Variants in LINGO2 observed in about 807,000 individuals in gnomAD.
The protein encoded by LINGO2 is leucine rich repeat and Ig domain containing 2.
A neutral mutation model predicts 30.6 loss-of-function variants in LINGO2; 14 were observed. The observed-to-expected ratio is 0.46, with a 90% CI of 0.30 to 0.72. The LOEUF (loss-of-function observed/expected upper bound fraction) is 0.72. LINGO2 is among the 30% of genes least tolerant of loss of function. The pLI is 0.07. For synonymous variants in LINGO2, 317 were observed against 288.5 expected, an observed-to-expected ratio of 1.10 and a Z score of -1.00; for missense variants, 729 against 751.7, an observed-to-expected ratio of 0.97 and a Z score of 0.35.
chr9:28,128,832 G>A (rs1325968664), intron 4 of LINGO2, among the ~76,000 whole-genome samples: 1 of 150,332 alleles, frequency 6.7e-6, no homozygotes, highest in Non-Finnish European at 1.5e-5. Context: ...TATTGTTTCT[G>A]ACTGTGTATG....
chr9:28,968,178 C>A, the LINGO2 span, among the ~76,000 whole-genome samples: 2 of 152,068 alleles, frequency 1.3e-5, no homozygotes, highest in African/African-American at 4.8e-5. Context: ...TCACAGACAT[C>A]GGTACAAAAT....
intron 1 of LINGO2, among the ~76,000 whole-genome samples, chr9:28,648,650 C>T (rs556889286): frequency 1.3e-5 from 2 of 152,094 alleles, no homozygotes; most frequent in East Asian, 1.9e-4. Context: ...AAAGCAAAAA[C>T]AATTGTCCTC....
At chr9:28,413,383 C>G (rs1057427651) in intron 2 of LINGO2, among the ~76,000 whole-genome samples, 16 of 152,082 alleles carry the variant, frequency 1.1e-4, no homozygotes, top group Admixed American at 9.2e-4. Context: ...ATATTGTATG[C>G]TACCTGTTCC....
At chr9:28,854,829 T>C in the LINGO2 span, among the ~76,000 whole-genome samples, 1 of 152,076 alleles carries the variant, frequency 6.6e-6, no homozygotes, top group South Asian at 2.1e-4. Context: ...AATTCAGCCT[T>C]ATGTTCTTTG....
intron 4 of LINGO2, among the ~76,000 whole-genome samples, chr9:28,052,944 T>TAAG (rs1159897199): frequency 6.7e-6 from 1 of 150,206 alleles, no homozygotes. Context: ...CAAATACATT[T>TAAG]AAGACATTGA....
At chr9:27,989,373 T>A (rs983473988) in intron 5 of LINGO2, among the ~76,000 whole-genome samples, 2 of 151,934 alleles carry the variant, frequency 1.3e-5, no homozygotes, top group African/African-American at 4.8e-5. Flanking sequence ...ATCCTACCTA[T>A]TGCTTCATCT....
the LINGO2 span, among the ~76,000 whole-genome samples, chr9:29,087,122 C>T: frequency 6.6e-6 from 1 of 152,102 alleles, no homozygotes; most frequent in Non-Finnish European, 1.5e-5. Context: ...GGTGATCCAC[C>T]GGCCCTGGCC....
the LINGO2 span, among the ~76,000 whole-genome samples, chr9:28,700,402 A>G: frequency 2.0e-5 from 3 of 151,996 alleles, no homozygotes; most frequent in Non-Finnish European, 4.4e-5. Context: ...ATAATGTATT[A>G]TTTCAAATTT....
the LINGO2 span, among the ~76,000 whole-genome samples, chr9:28,852,814 T>C: frequency 6.6e-6 from 1 of 152,044 alleles, no homozygotes; most frequent in Admixed American, 6.6e-5. Context: ...TGCCTAACTT[T>C]TCCTATAAAA....
chr9:29,132,680 T>G, the LINGO2 span, among the ~76,000 whole-genome samples: 82 of 152,298 alleles, frequency 5.4e-4, no homozygotes, highest in Admixed American at 5.2e-3. Context: ...TTGCTTTGTT[T>G]GTGCATTTTG....
intron 1 of LINGO2, among the ~76,000 whole-genome samples, chr9:28,548,514 G>A (rs1052412297): frequency 6.6e-6 from 1 of 151,744 alleles, no homozygotes; most frequent in Non-Finnish European, 1.5e-5. Flanking sequence ...GGCCATCCTG[G>A]CCAACATGGT....
chr9:28,110,487 AT>A (rs1307404219), intron 4 of LINGO2, among the ~76,000 whole-genome samples: 1 of 152,214 alleles, frequency 6.6e-6, no homozygotes, highest in Non-Finnish European at 1.5e-5. Flanking sequence ...AAGTTTTGCA[AT>A]CTACCCATCT....
At chr9:28,573,191 T>A (rs182387771) in intron 1 of LINGO2, among the ~76,000 whole-genome samples, 42 of 152,274 alleles carry the variant, frequency 2.8e-4, no homozygotes, top group African/African-American at 9.1e-4. Context: ...AATCTGAACT[T>A]TATGTCAGTC....
intron 2 of LINGO2, among the ~76,000 whole-genome samples, chr9:28,437,015 T>C (rs1823975604): frequency 6.6e-6 from 1 of 152,112 alleles, no homozygotes; most frequent in African/African-American, 2.4e-5. Flanking sequence ...CTCAATGTGA[T>C]GGTTACTTAT....
In LINGO2 at chr9:28,259,360, C is replaced by T. The variant is rs112462345; in HGVS notation, c.-87+35848G>A. Among the ~76,000 whole-genome samples the T allele has an allele frequency of 7.1e-3, 1,075 of 151,974 alleles. 16 individuals are homozygous for T. The highest frequency in any genetic ancestry group is 0.025 in the African/African-American group (1,036 of 41,512). ...AAACCTAATGTTTTTTTCTTCTTCTCTTTCTAGGAGGTACTGGAAGAAGGG... is the reference window on the plus strand; with the variant it reads ...AAACCTAATGTTTTTTTCTTCTTCTTTTTCTAGGAGGTACTGGAAGAAGGG... On this transcript the variant is annotated intron_variant, in intron 4 of 5. Coordinates refer to ENST00000379992, the Ensembl canonical transcript of LINGO2.
At chr9:28,359,441 C>G (rs1167098609) in intron 3 of LINGO2, among the ~76,000 whole-genome samples, 1 of 152,032 alleles carries the variant, frequency 6.6e-6, no homozygotes, top group Non-Finnish European at 1.5e-5. Context: ...ATACCATTTC[C>G]TGTCCCCACA....
exon 6 of LINGO2, chr9:27,949,940 A>G: frequency 6.2e-7 from 1 of 1,614,118 alleles, no homozygotes; most frequent in Non-Finnish European, 8.5e-7. Context: ...CGTAGAGGCT[A>G]TTGGCAGGCA....
intron 2 of LINGO2, among the ~76,000 whole-genome samples, chr9:28,411,780 A>G (rs1225651768): frequency 1.3e-5 from 2 of 152,056 alleles, no homozygotes. Context: ...TGTGGTATGT[A>G]CCCAGAAGGG....
chr9:28,442,092 G>A (rs770483633), intron 2 of LINGO2, among the ~76,000 whole-genome samples: 8 of 151,182 alleles, frequency 5.3e-5, no homozygotes, highest in East Asian at 3.9e-4. Flanking sequence ...CTGTGATCTC[G>A]GAGGGATTTC....
Sources: allele counts gnomAD v4.1 joint callset (sites outside exome capture counted in the v4.1 genomes callset), GRCh38; gene constraint gnomAD v4.1.1; transcripts MANE v1.5; gene names NCBI Gene and HGNC (gene_info 2026-07-23, HGNC 2026-07-21).